STAMBP: variants seen among roughly 807,000 people sequenced by gnomAD.
STAMBP encodes the protein STAM-binding protein.
A neutral mutation model predicts 50.7 loss-of-function variants in STAMBP; 31 were observed. That is an observed-to-expected ratio of 0.61 (90% CI 0.46 to 0.83). The LOEUF (loss-of-function observed/expected upper bound fraction) is 0.83. Among genes scored for constraint, STAMBP ranks in the 40% least tolerant of loss-of-function variants. The probability of loss-of-function intolerance (pLI) is 0.00; values close to 1 mark genes in which losing one functional copy is unlikely to be tolerated. For missense variants in STAMBP, 472 were observed against 518.9 expected, an observed-to-expected ratio of 0.91 and a Z score of 0.88; for synonymous variants, 211 against 192.4, an observed-to-expected ratio of 1.10 and a Z score of -0.80.
intron 2 of STAMBP, among the ~76,000 whole-genome samples, chr2:73,840,693 G>A (rs780872522): frequency 6.7e-6 from 1 of 150,334 alleles, no homozygotes; most frequent in African/African-American, 2.4e-5. Flanking sequence ...GCAGTGAGCC[G>A]AGACTGCCCC....
chr2:73,847,402 G>A lies in STAMBP; in HGVS notation c.391G>A (p.Glu131Lys). 1 of 1,605,110 alleles carries A rather than the reference G, an allele frequency of 6.2e-7. No individual in the cohort carries two copies. The highest frequency in any genetic ancestry group is 8.5e-7 in the Non-Finnish European group (1 of 1,174,716). ...YNEEKKKEAE[E>K]LARNMAIQQE... ...CTCTTTGTAGAAGAAGGAAGCAGAG[G>A]AATTGGCCCGGAACATGGCCATCCA... Residue 131 changes from glutamate to lysine, a missense_variant, in exon 5 of 10, where the codon GAA (glutamate) becomes AAA (lysine). Glu to Lys is a moderately conservative substitution (Grantham distance 56). Coordinates refer to ENST00000394070, the MANE Select transcript of STAMBP (RefSeq NM_213622.4).
At chr2:73,831,375 A>G (rs7596123) in intron 2 of STAMBP, among the ~76,000 whole-genome samples, 14,131 of 152,250 alleles carry the variant, frequency 0.093, 984 homozygotes, top group African/African-American at 0.2. Context: ...TCTTTCTACT[A>G]AAGCAGCCAA....
intron 7 of STAMBP, among the ~76,000 whole-genome samples, chr2:73,854,265 A>G (rs965975996): frequency 5.9e-5 from 9 of 152,196 alleles, no homozygotes; most frequent in Admixed American, 5.9e-4. Context: ...TGACCTCAAT[A>G]AGGTTGGAGT....
intron 1 of STAMBP, among the ~76,000 whole-genome samples, chr2:73,829,790 A>T (rs1673677515): frequency 6.6e-6 from 1 of 152,216 alleles, no homozygotes; most frequent in African/African-American, 2.4e-5. Context: ...CCCCTGAGGG[A>T]AGAGTTGTAG....
chr2:73,862,804 G>C lies in STAMBP; in HGVS notation c.*545G>C, dbSNP rs1237504998. On this transcript the variant is annotated 3_prime_UTR_variant, in exon 10 of 10. Transcript: ENST00000394070. ...GATTGTTTGGCTAACACATCCCGAA[G>C]AATGATTTTGTCAGGAATTATTGTT... The C allele has an allele frequency of 6.6e-6, 1 of 152,554 alleles. No individual in the cohort carries two copies. Among genetic ancestry groups the C allele is most frequent in the Non-Finnish European group, 1.5e-5 (1 of 68,038 alleles). 9.5% of individuals were successfully genotyped at this position (152,554 alleles called of 1,614,324 possible).
At chr2:73,872,837 A>G (rs533393553) in intron 10 of STAMBP, among the ~76,000 whole-genome samples, 1 of 152,220 alleles carries the variant, frequency 6.6e-6, no homozygotes, top group Admixed American at 6.5e-5. Context: ...AAAGTGGGGG[A>G]AGGATCTAGA....
chr2:73,853,761 T>C (rs567464467), intron 7 of STAMBP, among the ~76,000 whole-genome samples: 27 of 152,100 alleles, frequency 1.8e-4, no homozygotes, highest in South Asian at 6.2e-4. Context: ...AACAAATCAT[T>C]AAGCAAATAT....
At position 73,847,413 on chromosome 2, in the gene STAMBP, GA is replaced by G; in HGVS notation, c.404del (p.Asn135ThrfsTer15). The G allele has an allele frequency of 6.2e-7, 1 of 1,612,044 alleles. No homozygotes were observed. Among genetic ancestry groups the G allele is most frequent in the Non-Finnish European group, 8.5e-7 (1 of 1,178,590 alleles). ...KKKEAEELAR[N>X]MAIQQELEKE... ...AGAAGGAAGCAGAGGAATTGGCCCG[GA>G]ACATGGCCATCCAGCAAGAGCTGGA... On this transcript the variant is annotated frameshift_variant, in exon 5 of 10. Transcript: ENST00000394070. LOFTEE classifies it high-confidence loss of function.
intron 8 of STAMBP, 116 bp from the exon 9 acceptor site, chr2:73,859,936 C>T (rs1176302194): frequency 1.5e-6 from 1 of 685,834 alleles, no homozygotes; most frequent in Non-Finnish European, 2.6e-6. Flanking sequence ...GAAGCTGTCT[C>T]ACAATGACCT....
At chr2:73,829,838 T>G (rs1673684943) in intron 1 of STAMBP, among the ~76,000 whole-genome samples, 1 of 152,146 alleles carries the variant, frequency 6.6e-6, no homozygotes, top group Non-Finnish European at 1.5e-5. Flanking sequence ...GAAACTGAAA[T>G]GTGAGGATGC....
chr2:73,863,032 CCTT>C lies in STAMBP; in HGVS notation c.*774_*776del, dbSNP rs1678520016. The C allele has an allele frequency of 6.6e-6, 1 of 152,146 alleles. No homozygotes were observed. Among genetic ancestry groups the C allele is most frequent in the Non-Finnish European group, 1.5e-5 (1 of 68,032 alleles). The allele number at this position is 152,146 out of a possible 1,614,324, so 9.4% of individuals were successfully genotyped here. A position where few individuals can be genotyped will look rare whatever the true frequency, so the allele number is the denominator to read the frequency against. On this transcript the variant is annotated 3_prime_UTR_variant, in exon 10 of 10. Coordinates refer to ENST00000394070, the MANE Select transcript of STAMBP (RefSeq NM_213622.4). ...GTGTCCCAGTTCACTTTTAATTACT[CCTT>C]GTTTTTTATCTGCCTGTTGCCATCT...
chr2:73,860,549 G>A lies in STAMBP; in HGVS notation c.1218+398G>A, dbSNP rs556585127. On this transcript the variant is annotated intron_variant, in intron 9 of 9. Transcript: ENST00000394070. ...TCTTTCTAAGCCTGTACTTCAATAA[G>A]AGATTTGAAGGCAAAGGAAAAGAGA... 27 of 987,052 alleles carry A rather than the reference G, an allele frequency of 2.7e-5. No individual in the cohort carries two copies. The South Asian group carries it at 1.1e-3, about 41-fold the overall frequency. 61.1% of individuals were successfully genotyped at this position (987,052 alleles called of 1,614,324 possible).
intron 5 of STAMBP, among the ~76,000 whole-genome samples, chr2:73,848,026 C>G (rs990080244): frequency 1.3e-5 from 2 of 152,160 alleles, no homozygotes; most frequent in Non-Finnish European, 2.9e-5. Flanking sequence ...AAGAATGTGC[C>G]AAACCGAATT....
chr2:73,847,279 C>A lies in STAMBP; in HGVS notation c.376-108C>A, dbSNP rs931885948. On this transcript the variant is annotated intron_variant, in intron 4 of 9. Coordinates refer to ENST00000394070, the MANE Select transcript of STAMBP (RefSeq NM_213622.4). ...ATGAATTCTGTGTTAGGTAATCAGGCCACAGCAGAAGTACATTTTGGAAAT... is the reference window on the plus strand; with the variant it reads ...ATGAATTCTGTGTTAGGTAATCAGGACACAGCAGAAGTACATTTTGGAAAT... 6.6e-6 allele frequency: 9 copies of A among 1,369,358 alleles called. No homozygotes were observed. In the African/African-American group the frequency reaches 1.3e-4, roughly 20 times the overall value. The allele number at this position is 1,369,358 out of a possible 1,614,324, so 84.8% of individuals were successfully genotyped here.
chr2:73,833,838 G>A (rs1006006597), intron 2 of STAMBP, among the ~76,000 whole-genome samples: 1 of 152,018 alleles, frequency 6.6e-6, no homozygotes, highest in Non-Finnish European at 1.5e-5. Flanking sequence ...TATGGGAGAA[G>A]ACAATAAACA....
intron 2 of STAMBP, among the ~76,000 whole-genome samples, chr2:73,841,370 ATTAG>A (rs1056508546): frequency 6.6e-6 from 1 of 152,090 alleles, no homozygotes; most frequent in African/African-American, 2.4e-5. Flanking sequence ...TTTTTTGTTT[ATTAG>A]TTAAAAAAAA....
At chr2:73,855,020 G>A (rs1048783979) in intron 7 of STAMBP, among the ~76,000 whole-genome samples, 3 of 152,116 alleles carry the variant, frequency 2.0e-5, no homozygotes, top group Non-Finnish European at 4.4e-5. Context: ...AAAGCAGACC[G>A]AAAGATTTAT....
At chr2:73,856,418 A>T (rs1363265472) in intron 7 of STAMBP, among the ~76,000 whole-genome samples, 2 of 152,256 alleles carry the variant, frequency 1.3e-5, no homozygotes, top group Non-Finnish European at 1.5e-5. Flanking sequence ...TCTGTTCCAG[A>T]ATGGGTGACT....
At chr2:73,851,285 C>G (rs985461589) in intron 7 of STAMBP, among the ~76,000 whole-genome samples, 1 of 152,158 alleles carries the variant, frequency 6.6e-6, no homozygotes, top group African/African-American at 2.4e-5. Context: ...TATCCCCATC[C>G]CACCCCCATT....
Sources: allele counts gnomAD v4.1 joint callset (sites outside exome capture counted in the v4.1 genomes callset), GRCh38; gene constraint gnomAD v4.1.1; transcripts MANE v1.5; gene names NCBI Gene and HGNC (gene_info 2026-07-23, HGNC 2026-07-21).